The following ZNF638 variants were observed in gnomAD, a reference collection of about 807,000 sequenced individuals.
The protein encoded by ZNF638 is CTCL tumor antigen se33-1.
Under a neutral mutation model 195.6 loss-of-function variants are expected in ZNF638, and 46 were observed. The observed-to-expected ratio is 0.24, with a 90% CI of 0.19 to 0.30. ZNF638 has a LOEUF of 0.30. ZNF638 is among the 10% of genes least tolerant of loss of function. The probability of loss-of-function intolerance (pLI) is 1.00; values close to 1 mark genes in which losing one functional copy is unlikely to be tolerated. For missense variants in ZNF638, 2,440 were observed against 2,325.3 expected, an observed-to-expected ratio of 1.05 and a Z score of -1.01; for synonymous variants, 845 against 772.0, an observed-to-expected ratio of 1.09 and a Z score of -1.57.
chr2:71,367,208 C>T (rs1472273093), intron 6 of ZNF638, among the ~76,000 whole-genome samples: 1 of 149,936 alleles, frequency 6.7e-6, no homozygotes, highest in Non-Finnish European at 1.5e-5. Flanking sequence ...CATTTTGTTT[C>T]AAGACTTCTA....
intron 20 of ZNF638, among the ~76,000 whole-genome samples, chr2:71,417,696 T>A (rs555265411): frequency 2.5e-4 from 38 of 152,110 alleles, no homozygotes; most frequent in African/African-American, 8.9e-4. Flanking sequence ...CTTTTCTCCT[T>A]AATGGAAAGC....
In ZNF638 at chr2:71,364,013, C is replaced by T. The variant is rs752641279; in HGVS notation, c.1478C>T (p.Pro493Leu). ...CGAAGACGTTCTCATTCCCCCAGTCCTAGGCGTTCTAGAAGATCAAGCTCA... is the reference window on the plus strand; with the variant it reads ...CGAAGACGTTCTCATTCCCCCAGTCTTAGGCGTTCTAGAAGATCAAGCTCA... ...TPRRRSHSPS[P>L]RRSRRSSSSH... The change falls in exon 5 of 28, where the codon CCT becomes CTT. Residue 493 changes from proline (P) to leucine (L), a missense_variant. By Grantham distance (98) the Pro-to-Leu change is moderately conservative. Coordinates refer to ENST00000264447, the MANE Select transcript of ZNF638 (RefSeq NM_014497.5). The T allele has an allele frequency of 6.2e-7, 1 of 1,614,134 alleles. No homozygotes were observed. The highest frequency in any genetic ancestry group is 1.1e-5 in the South Asian group (1 of 91,078).
intron 8 of ZNF638, among the ~76,000 whole-genome samples, chr2:71,377,129 C>G (rs1313837205): frequency 6.6e-6 from 1 of 151,900 alleles, no homozygotes; most frequent in Admixed American, 6.6e-5. Flanking sequence ...AAAAATTGAC[C>G]TAGTGTGGTG....
At chr2:71,386,062 A>T (rs2079631517) in intron 10 of ZNF638, among the ~76,000 whole-genome samples, 1 of 152,154 alleles carries the variant, frequency 6.6e-6, no homozygotes, top group Non-Finnish European at 1.5e-5. Context: ...ACTGAAAGGG[A>T]TATTAACTTC....
chr2:71,421,352 G>A (rs1433237635), intron 21 of ZNF638, among the ~76,000 whole-genome samples: 2 of 134,584 alleles, frequency 1.5e-5, no homozygotes, highest in African/African-American at 6.3e-5. Flanking sequence ...GAAAAAAAGG[G>A]GTGTGATTAT....
At chr2:71,399,364 A>G (rs1311947704) in intron 12 of ZNF638, among the ~76,000 whole-genome samples, 195 bp from the exon 13 acceptor site, 2 of 152,178 alleles carry the variant, frequency 1.3e-5, no homozygotes, top group African/African-American at 4.8e-5. Flanking sequence ...GGCATCACCA[A>G]AAAGTTGTAT....
chr2:71,423,822 A>G lies in ZNF638; in HGVS notation c.4308A>G (p.Glu1436=). The change falls in exon 22 of 28, where the codon GAA becomes GAG. Residue 1436 remains glutamate (E), a synonymous_variant. Transcript: ENST00000264447. ...INAEKKLSAK[E]FGLLKPTSAR... Reference sequence around the variant, plus strand: ...CTGAAAAGAAACTTTCAGCCAAGGAATTTGGTCTGCTTAAACCCACAAGTG... The same window carrying G: ...CTGAAAAGAAACTTTCAGCCAAGGAGTTTGGTCTGCTTAAACCCACAAGTG... 2 of 1,614,102 alleles carry G rather than the reference A, an allele frequency of 1.2e-6. No homozygotes were observed. The highest frequency in any genetic ancestry group is 1.7e-6 in the Non-Finnish European group (2 of 1,180,006).
chr2:71,379,171 G>A (rs1432751837), intron 8 of ZNF638, among the ~76,000 whole-genome samples: 2 of 152,172 alleles, frequency 1.3e-5, no homozygotes, highest in Non-Finnish European at 1.5e-5. Context: ...GATAGCAGTT[G>A]AACTTTAGAC....
intron 1 of ZNF638, among the ~76,000 whole-genome samples, chr2:71,336,167 C>A (rs559968991): frequency 6.6e-6 from 1 of 151,984 alleles, no homozygotes; most frequent in African/African-American, 2.4e-5. Context: ...AGGTCGGGAG[C>A]TTAAGACCAG....
intron 17 of ZNF638, among the ~76,000 whole-genome samples, chr2:71,404,488 C>T (rs913629156): frequency 6.6e-6 from 1 of 152,106 alleles, no homozygotes; most frequent in African/African-American, 2.4e-5. Flanking sequence ...GGTGGGAGGA[C>T]TGTGTGAGCC....
At chr2:71,428,240 A>G (rs2080579962) in intron 24 of ZNF638, among the ~76,000 whole-genome samples, 1 of 152,164 alleles carries the variant, frequency 6.6e-6, no homozygotes, top group African/African-American at 2.4e-5. Flanking sequence ...ACTAAGAATA[A>G]AATACTAGGA....
rs2078631048 is a variant in ZNF638 at position 71,334,619 on chromosome 2, A to C, written c.-203+2744A>C. On this transcript the variant is annotated intron_variant, in intron 1 of 27. Coordinates refer to ENST00000264447, the MANE Select transcript of ZNF638 (RefSeq NM_014497.5). The stretch of plus-strand genomic sequence containing the variant: ...AAGGTGAGATGTAGAAATAAAACAC[A>C]CAACTGTAATAATGCGGGTGAGGGC... 7 of 152,306 alleles carry C rather than the reference A, an allele frequency of 4.6e-5. 1 individual carries two copies. In the South Asian group the frequency reaches 1.4e-3, roughly 32 times the overall value. The allele number at this position is 152,306 out of a possible 1,614,324, so 9.4% of individuals were successfully genotyped here.
At chr2:71,429,317 T>A (rs532870524) in intron 25 of ZNF638, among the ~76,000 whole-genome samples, 1 of 152,306 alleles carries the variant, frequency 6.6e-6, no homozygotes, top group South Asian at 2.1e-4. Flanking sequence ...CAAGTATGAT[T>A]TGGTCCAAGG....
rs1409696270 is a variant in ZNF638 at position 71,434,798 on chromosome 2, C to T, written c.5928C>T (p.Ser1976=). ...EKEQNEAEER[S]SR ...AGCAGAATGAGGCTGAAGAAAGAAG[C>T]TCTAGGTGATTGGGGGAAAGGAAAG... Residue 1976 remains serine, a synonymous_variant, in exon 28 of 28, where the codon AGC becomes AGT. Coordinates refer to ENST00000264447, the MANE Select transcript of ZNF638 (RefSeq NM_014497.5). 1 of 1,604,382 alleles carries T rather than the reference C, an allele frequency of 6.2e-7. No homozygotes were observed. Among genetic ancestry groups the T allele is most frequent in the Non-Finnish European group, 8.5e-7 (1 of 1,176,980 alleles).
chr2:71,399,624 A>G lies in ZNF638; in HGVS notation c.2566A>G (p.Asn856Asp), dbSNP rs367785918. The G allele has an allele frequency of 2.8e-5, 45 of 1,612,506 alleles. No individual in the cohort carries two copies. Among genetic ancestry groups the G allele is most frequent in the African/African-American group, 4.0e-5 (3 of 74,800 alleles). The stretch of plus-strand genomic sequence containing the variant: ...TGGGAATGTCAAAAACAAAGACTCT[A>G]ACAAACCTGTGACTATACCAGGTAA... ...KTGNVKNKDS[N>D]KPVTIPENSE... The change falls in exon 13 of 28, where the codon AAC (asparagine) becomes GAC (aspartate). Residue 856 changes from asparagine to aspartate, a missense_variant. Around this residue, in one of 5 missense-constraint regions of ZNF638, gnomAD observed 1,883 missense variants for 1,739.1 expected, o/e 1.08. Transcript: ENST00000264447.
chr2:71,412,007 G>A (rs1440213285), intron 20 of ZNF638, among the ~76,000 whole-genome samples: 1 of 113,788 alleles, frequency 8.8e-6, no homozygotes, highest in Non-Finnish European at 1.8e-5. Context: ...GGGATGGCTG[G>A]GTCAAATGTT....
intron 6 of ZNF638, among the ~76,000 whole-genome samples, chr2:71,367,751 TA>T (rs1553471477): frequency 0.1 from 14,878 of 149,308 alleles, 797 homozygotes; most frequent in Non-Finnish European, 0.12. Context: ...TTTTTTTTTT[TA>T]AAAATATAGA....
At position 71,426,666 on chromosome 2, in the gene ZNF638, G is replaced by A. The variant is rs766481950; in HGVS notation, c.4797G>A (p.Val1599=). Residue 1599 remains valine, a synonymous_variant, in exon 24 of 28, where the codon GTG becomes GTA. Transcript: ENST00000264447. ...GTGTTGAGGGAGAACTATCTTTTGT[G>A]ACATTGGATGAGATTGGGGAAGAGG... ...PRGVEGELSF[V]TLDEIGEEED... 1.9e-6 allele frequency: 3 copies of A among 1,614,178 alleles called. No homozygotes were observed. In the South Asian group the frequency reaches 3.3e-5, roughly 18 times the overall value.
intron 10 of ZNF638, chr2:71,381,042 A>G (rs1347573726): frequency 6.6e-6 from 1 of 152,272 alleles, no homozygotes; most frequent in Non-Finnish European, 1.5e-5. Flanking sequence ...TCAGGAAAAT[A>G]CTTGAAGCCA....
Sources: gnomAD v4.1 joint callset for allele counts (sites outside exome capture counted in the v4.1 genomes callset) on GRCh38, gnomAD v4.1.1 for gene constraint, gnomAD v4.1.1 regional missense constraint, MANE v1.5 for transcripts, NCBI Gene and HGNC (gene_info 2026-07-23, HGNC 2026-07-21) for gene names.